Variants in CORO2B observed in about 807,000 individuals in gnomAD.
CORO2B encodes the protein coronin 2B.
In CORO2B, 26 loss-of-function variants were observed where a neutral mutation model predicts 58.8. The observed-to-expected ratio is 0.44, with a 90% CI of 0.32 to 0.61. CORO2B has a LOEUF of 0.61. Among genes scored for constraint, CORO2B ranks in the 20% least tolerant of loss-of-function variants. The probability of loss-of-function intolerance (pLI) is 0.04; values close to 1 mark genes in which losing one functional copy is unlikely to be tolerated. For synonymous variants in CORO2B, 242 were observed against 253.8 expected (o/e 0.95, Z 0.44); for missense variants, 460 against 645.1 (o/e 0.71, Z 3.11).
At chr15:68,607,013 C>T (rs951393932) in intron 1 of CORO2B, among the ~76,000 whole-genome samples, 1 of 152,214 alleles carries the variant, frequency 6.6e-6, no homozygotes, top group African/African-American at 2.4e-5. Flanking sequence ...CTTCTCCAAA[C>T]ATCTTGAGTC....
chr15:68,553,020 G>A, the CORO2B span, among the ~76,000 whole-genome samples: 2 of 152,298 alleles, frequency 1.3e-5, no homozygotes, highest in Middle Eastern at 3.4e-3. Flanking sequence ...CAGGCACCAC[G>A]CCAGGCCCCG....
At chr15:68,634,543 G>T (rs967243951) in intron 1 of CORO2B, among the ~76,000 whole-genome samples, 1 of 152,166 alleles carries the variant, frequency 6.6e-6, no homozygotes, top group Non-Finnish European at 1.5e-5. Context: ...AAGTCACAGA[G>T]CTGAAGTTTC....
At chr15:68,725,514 A>C (rs1449463789) in intron 11 of CORO2B, among the ~76,000 whole-genome samples, 1 of 152,088 alleles carries the variant, frequency 6.6e-6, no homozygotes, top group East Asian at 1.9e-4. Context: ...AATGGTAAAG[A>C]AAAGCATTAA....
At chr15:68,639,076 C>T (rs994489515) in intron 1 of CORO2B, among the ~76,000 whole-genome samples, 1 of 152,148 alleles carries the variant, frequency 6.6e-6, no homozygotes, top group Non-Finnish European at 1.5e-5. Context: ...AAGGACCAGA[C>T]CCTCATCCTG....
At chr15:68,644,031 AAAAC>A (rs143065412) in intron 1 of CORO2B, among the ~76,000 whole-genome samples, 26,235 of 151,892 alleles carry the variant, frequency 0.17, 2,419 homozygotes, top group Non-Finnish European at 0.2. Flanking sequence ...CCCCATCTCA[AAAAC>A]AAACAAACAA....
the CORO2B span, among the ~76,000 whole-genome samples, chr15:68,532,426 C>T: frequency 6.6e-6 from 1 of 151,948 alleles, no homozygotes; most frequent in East Asian, 1.9e-4. Flanking sequence ...TGTTCTTAAC[C>T]CCATCCAGTG....
the CORO2B span, among the ~76,000 whole-genome samples, chr15:68,527,346 T>C: frequency 6.6e-6 from 1 of 152,208 alleles, no homozygotes; most frequent in African/African-American, 2.4e-5. Flanking sequence ...CACCTTTAGA[T>C]CTTTTTCCTG....
At chr15:68,543,676 C>G in the CORO2B span, among the ~76,000 whole-genome samples, 1 of 152,174 alleles carries the variant, frequency 6.6e-6, no homozygotes, top group Non-Finnish European at 1.5e-5. Flanking sequence ...TTTGTAATGA[C>G]TCTTGAATTA....
the CORO2B span, among the ~76,000 whole-genome samples, chr15:68,570,542 T>C: frequency 6.6e-6 from 1 of 152,192 alleles, no homozygotes; most frequent in Non-Finnish European, 1.5e-5. Flanking sequence ...GCTAAGATTT[T>C]CAGAAAAGCA....
In CORO2B at chr15:68,645,103, G is replaced by A. The variant is rs1278407567; in HGVS notation, c.16-57G>A. ...GCTTCCCTCCCCCAAGAGCCCAGCC[G>A]AGGCCCTTCATGGCACAGGGCCCAG... On this transcript the variant is annotated intron_variant, in intron 1 of 11. Transcript: ENST00000261861. This position sits in a 1 kb window ranked among gnomAD's most constrained non-coding sequence, Gnocchi z 4.5. 2.4e-5 allele frequency: 37 copies of A among 1,566,758 alleles called. No individual in the cohort carries two copies. Among genetic ancestry groups the A allele is most frequent in the African/African-American group, 9.5e-5 (7 of 73,942 alleles).
upstream of CORO2B, chr15:68,578,908 C>G: frequency 1.9e-6 from 1 of 522,490 alleles, no homozygotes; most frequent in African/African-American, 2.1e-5. This position sits in a 1 kb window ranked among gnomAD's most constrained non-coding sequence, Gnocchi z 4.2. Flanking sequence ...TCCTCCTCCT[C>G]CCTCCGCCTC....
chr15:68,640,144 AC>A lies in CORO2B; in HGVS notation c.16-5013del, dbSNP rs537796308. ...TAGTAATGCAGGTCCTTCTGCAGAC[AC>A]CCAGCTTTGGCCCACAGTGTGTACT... On this transcript the variant is annotated intron_variant, in intron 1 of 11. Transcript: ENST00000261861. Among the ~76,000 whole-genome samples the A allele has an allele frequency of 3.3e-3, 505 of 152,186 alleles. 5 individuals carry two copies. Among genetic ancestry groups the A allele is most frequent in the African/African-American group, 0.011 (475 of 41,520 alleles).
chr15:68,594,528 A>C (rs1409911579), intron 1 of CORO2B, among the ~76,000 whole-genome samples: 3 of 152,116 alleles, frequency 2.0e-5, no homozygotes, highest in African/African-American at 7.2e-5. Flanking sequence ...CCCTGCTTGG[A>C]ATAGAGGAGC....
rs145375624 is a variant in CORO2B, at chr15:68,621,331, G to T, written c.16-23829G>T. Among the ~76,000 whole-genome samples, 479 of 152,336 alleles carry T rather than the reference G, an allele frequency of 3.1e-3. 2 individuals are homozygous for T. Among genetic ancestry groups the T allele is most frequent in the African/African-American group, 0.011 (467 of 41,572 alleles). ...AGTTAGCTGGAGAACAACGCAGTGCGTGCCAGCATGGAGACCTGGAGCAAG... is the reference window on the plus strand; with the variant it reads ...AGTTAGCTGGAGAACAACGCAGTGCTTGCCAGCATGGAGACCTGGAGCAAG... On this transcript the variant is annotated intron_variant, in intron 1 of 11. Transcript: ENST00000261861.
the CORO2B span, among the ~76,000 whole-genome samples, chr15:68,538,103 T>C: frequency 5.3e-5 from 8 of 152,230 alleles, no homozygotes; most frequent in Non-Finnish European, 1.0e-4. Flanking sequence ...AATTTTGTTT[T>C]TTTCTCTAGT....
rs1306294238 is a variant in CORO2B at position 68,579,109 on chromosome 15, C to A, written c.-154C>A. On this transcript the variant is annotated 5_prime_UTR_variant, in exon 1 of 12. Coordinates refer to ENST00000261861, the MANE Select transcript of CORO2B (RefSeq NM_006091.5). ...CGACGAGCGGTCCCTGCGCGCTGCC[C>A]GCCCGGAGCGCAGCCCCCAGGCTCG... The A allele has an allele frequency of 2.2e-5, 22 of 982,362 alleles. No homozygotes were observed. Among genetic ancestry groups the A allele is most frequent in the Non-Finnish European group, 2.5e-5 (21 of 828,794 alleles). 60.9% of individuals were successfully genotyped at this position (982,362 alleles called of 1,614,324 possible).
intron 1 of CORO2B, among the ~76,000 whole-genome samples, chr15:68,615,339 G>C (rs1411308481): frequency 6.6e-6 from 1 of 152,296 alleles, no homozygotes; most frequent in East Asian, 1.9e-4. Flanking sequence ...CAGGACTCTT[G>C]AGGGGTGCTG....
At chr15:68,581,782 G>A (rs927216314) in intron 1 of CORO2B, among the ~76,000 whole-genome samples, 2 of 152,204 alleles carry the variant, frequency 1.3e-5, no homozygotes, top group African/African-American at 4.8e-5. Flanking sequence ...CACACTGGGA[G>A]CGGTAGGTAG....
At chr15:68,694,202 C>T (rs1892455156) in intron 2 of CORO2B, among the ~76,000 whole-genome samples, 1 of 152,148 alleles carries the variant, frequency 6.6e-6, no homozygotes, top group African/African-American at 2.4e-5. Context: ...TCTTCACCCA[C>T]TAAGGGATCA....
Sources: gnomAD v4.1 joint callset for allele counts (sites outside exome capture counted in the v4.1 genomes callset) on GRCh38, gnomAD v4.1.1 for gene constraint, Gnocchi (gnomAD v3.1) non-coding constraint, MANE v1.5 for transcripts, NCBI Gene and HGNC (gene_info 2026-07-23, HGNC 2026-07-21) for gene names.